DMD: variants seen among roughly 807,000 people sequenced by gnomAD.
The protein encoded by DMD is mutant dystrophin.
Under a neutral mutation model 330.1 loss-of-function variants are expected in DMD, and 63 were observed. That is an observed-to-expected ratio of 0.19 (90% CI 0.16 to 0.24). DMD has a LOEUF of 0.24. Ranked by LOEUF, DMD falls within the 10% of genes least tolerant of loss-of-function variation. DMD has a pLI of 1.00. For missense variants in DMD, 3,344 were observed against 2,684.1 expected, an observed-to-expected ratio of 1.25 and a Z score of -5.43; for synonymous variants, 1,223 against 959.8, an observed-to-expected ratio of 1.27 and a Z score of -5.07.
At chrX:33,268,907 C>CAAA (rs202219233) in intron 1 of DMD, among the ~76,000 whole-genome samples, 6 of 43,295 alleles carry the variant, frequency 1.4e-4, no homozygotes, top group Admixed American at 3.1e-4. Flanking sequence ...GCCTGGGTGA[C>CAAA]AAAAAAAAAA....
chrX:33,078,839 G>GAATT (rs2094882820), intron 1 of DMD, among the ~76,000 whole-genome samples: 1 of 111,425 alleles, frequency 9.0e-6, no homozygotes, highest in African/African-American at 3.3e-5. Context: ...AATCATATCA[G>GAATT]AATTATAGAA....
intron 44 of DMD, among the ~76,000 whole-genome samples, chrX:32,095,907 G>GTTT (rs35171349): frequency 9.6e-6 from 1 of 103,868 alleles, no homozygotes; most frequent in Non-Finnish European, 2.0e-5. Flanking sequence ...TTGATTATAA[G>GTTT]TTTTTTTTTT....
chrX:32,515,261 CAGAG>C (rs1204670171), intron 18 of DMD, among the ~76,000 whole-genome samples: 1 of 111,116 alleles, frequency 9.0e-6, no homozygotes, highest in African/African-American at 3.3e-5. Context: ...TGCAATAGAG[CAGAG>C]AGAGAAAGAT....
rs2095068841 is a variant in DMD, at chrX:33,090,359, T to TTC, written c.32-70161_32-70160dup. On this transcript the variant is annotated intron_variant, in intron 1 of 78. Coordinates refer to ENST00000357033, the MANE Select transcript of DMD (RefSeq NM_004006.3). ...AATGATAGTATAGAATATTATTCTA[T>TTC]TCTATACTATATTATTATAGAATAT... Among the ~76,000 whole-genome samples the TTC allele has an allele frequency of 3.7e-5, 4 of 108,718 alleles. No homozygotes were observed. In the South Asian group the frequency reaches 1.5e-3, roughly 41 times the overall value. 94.4% of individuals were successfully genotyped at this position (108,718 alleles called of 115,157 possible). A position where few individuals can be genotyped will look rare whatever the true frequency, so the allele number is the denominator to read the frequency against.
At chrX:33,157,564 T>A (rs2148651985) in intron 1 of DMD, among the ~76,000 whole-genome samples, 1 of 112,448 alleles carries the variant, frequency 8.9e-6, no homozygotes, top group South Asian at 3.7e-4. Flanking sequence ...CTGACTGCTG[T>A]CAATCTCTCA....
intron 55 of DMD, among the ~76,000 whole-genome samples, chrX:31,551,180 G>GAAAAAAAAAAA (rs202051079): frequency 4.5e-5 from 3 of 67,368 alleles, no homozygotes; most frequent in African/African-American, 7.6e-5. Flanking sequence ...CTCCATCTCG[G>GAAAAAAAAAAA]GAAAAAAAAA....
At chrX:32,765,453 C>T (rs1048634274) in intron 7 of DMD, among the ~76,000 whole-genome samples, 2 of 111,044 alleles carry the variant, frequency 1.8e-5, no homozygotes, top group Non-Finnish European at 3.8e-5. Context: ...CCCCAGAAGC[C>T]GAGCAGATGC....
At chrX:33,298,494 A>T (rs1283450856) in intron 1 of DMD, among the ~76,000 whole-genome samples, 1 of 112,231 alleles carries the variant, frequency 8.9e-6, no homozygotes, top group Non-Finnish European at 1.9e-5. Context: ...TGTGAATCAC[A>T]GATTCAATAT....
At chrX:32,254,608 AAG>A (rs2097291178) in intron 43 of DMD, among the ~76,000 whole-genome samples, 5 of 111,981 alleles carry the variant, frequency 4.5e-5, no homozygotes, top group Non-Finnish European at 3.8e-5. Context: ...TTTAATAAGT[AAG>A]TACACAAATA....
chrX:32,766,619 TATAAG>T (rs1440653345), intron 7 of DMD, among the ~76,000 whole-genome samples: 1 of 111,552 alleles, frequency 9.0e-6, no homozygotes, highest in Non-Finnish European at 1.9e-5. Flanking sequence ...ATTTTCTACA[TATAAG>T]ATCATATCAT....
chrX:32,148,411 A>C (rs767427320), intron 44 of DMD, among the ~76,000 whole-genome samples: 1 of 111,627 alleles, frequency 9.0e-6, no homozygotes, highest in African/African-American at 3.2e-5. Context: ...ATTAATTTTA[A>C]ATTGTTGTTT....
intron 43 of DMD, among the ~76,000 whole-genome samples, chrX:32,274,532 A>G (rs186649382): frequency 1.1e-3 from 127 of 112,450 alleles, no homozygotes; most frequent in African/African-American, 3.8e-3. Context: ...AAGTGCTTTG[A>G]ACTATAAATA....
At chrX:33,338,609 C>G (rs948145489) in intron 1 of DMD, among the ~76,000 whole-genome samples, 7 of 111,261 alleles carry the variant, frequency 6.3e-5, no homozygotes, top group African/African-American at 2.3e-4. Context: ...AGCGAGAAAT[C>G]ATAGACCAGC....
At chrX:32,052,409 C>T (rs963345596) in intron 44 of DMD, among the ~76,000 whole-genome samples, 1 of 111,388 alleles carries the variant, frequency 9.0e-6, no homozygotes, top group South Asian at 3.7e-4. Flanking sequence ...CACCTTATCA[C>T]CCCTTAATTC....
intron 29 of DMD, 31 bp downstream of exon 29, chrX:32,438,210 G>A (rs774096293): frequency 1.0e-5 from 12 of 1,198,276 alleles, no homozygotes; most frequent in Non-Finnish European, 1.4e-5. Flanking sequence ...ATGCAAATTA[G>A]ATTAAAGAGA....
intron 33 of DMD, among the ~76,000 whole-genome samples, chrX:32,382,658 G>A (rs757758908): frequency 1.0e-4 from 11 of 107,387 alleles, no homozygotes; most frequent in Non-Finnish European, 1.9e-4. Context: ...CCTTTTGACT[G>A]CAAGAATTTT....
intron 51 of DMD, among the ~76,000 whole-genome samples, chrX:31,768,317 T>C (rs751810869): frequency 1.4e-3 from 153 of 110,893 alleles, no homozygotes; most frequent in African/African-American, 4.9e-3. Context: ...CCCTCCACCT[T>C]TCTCCCTCCT....
intron 1 of DMD, among the ~76,000 whole-genome samples, chrX:33,137,855 T>C (rs1015217989): frequency 8.9e-6 from 1 of 111,935 alleles, no homozygotes; most frequent in African/African-American, 3.2e-5. Flanking sequence ...TAAGTAAATA[T>C]AATTCCTATA....
chrX:32,633,396 T>A (rs1395819366), intron 11 of DMD, among the ~76,000 whole-genome samples: 2 of 112,170 alleles, frequency 1.8e-5, no homozygotes, highest in African/African-American at 6.5e-5. Context: ...CTCGACAGCT[T>A]GGACTTCACT....
Sources: allele counts gnomAD v4.1 joint callset (sites outside exome capture counted in the v4.1 genomes callset), GRCh38; gene constraint gnomAD v4.1.1; transcripts MANE v1.5; gene names NCBI Gene and HGNC (gene_info 2026-07-23, HGNC 2026-07-21).